POTEG: variants seen among roughly 807,000 people sequenced by gnomAD.
POTEG encodes POTE ankyrin domain family member G.
Under a neutral mutation model 49.6 loss-of-function variants are expected in POTEG, and 2 were observed. That is an observed-to-expected ratio of 0.04 (90% CI 0.02 to 0.13). The LOEUF (loss-of-function observed/expected upper bound fraction) is 0.13, where lower values mean the gene tolerates loss of function less well. Ranked by LOEUF, POTEG falls within the 10% of genes least tolerant of loss-of-function variation. The probability of loss-of-function intolerance (pLI) is 1.00; values close to 1 mark genes in which losing one functional copy is unlikely to be tolerated. For synonymous variants in POTEG, 7 were observed against 186.6 expected, an observed-to-expected ratio of 0.04 and a Z score of 7.84; for missense variants, 26 against 545.2, an observed-to-expected ratio of 0.05 and a Z score of 9.48.
At chr14:19,415,216 T>C (rs1299620946) in intron 7 of POTEG, among the ~76,000 whole-genome samples, 1 of 143,148 alleles carries the variant, frequency 7.0e-6, no homozygotes, top group Admixed American at 7.0e-5. Context: ...AGTTCTAATA[T>C]ATTCTAATAT....
intron 2 of POTEG, 39 bp downstream of exon 2, chr14:19,428,836 C>G: frequency 1.3e-6 from 1 of 791,460 alleles, no homozygotes; most frequent in Non-Finnish European, 1.8e-6. Context: ...GTATTGAAAT[C>G]AAACCCACTT....
At position 19,414,858 on chromosome 14, in the gene POTEG, G is replaced by T. The variant is rs1274868837; in HGVS notation, c.1198-252C>A. Among the ~76,000 whole-genome samples, 17 of 134,274 alleles carry T rather than the reference G, an allele frequency of 1.3e-4. No individual in the cohort carries two copies. The East Asian group carries it at 3.2e-3, about 25-fold the overall frequency. 88.1% of individuals were successfully genotyped at this position (134,274 alleles called of 152,430 possible). On this transcript the variant is annotated intron_variant, in intron 7 of 10. Coordinates refer to ENST00000547848, the MANE Select transcript of POTEG (RefSeq NM_001005356.3). ...GAAAAATAATTCACCTTAGCCAAAG[G>T]GAGAAGAAAAACATGAACCAGCAAA...
At chr14:19,414,837 A>C (rs1488727435) in intron 7 of POTEG, among the ~76,000 whole-genome samples, 34 of 137,336 alleles carry the variant, frequency 2.5e-4, no homozygotes, top group Non-Finnish European at 5.0e-4. Flanking sequence ...ACATGTGAAA[A>C]ATAATTCACC....
At chr14:19,432,401 T>TACACAC (rs1400739856) in intron 1 of POTEG, among the ~76,000 whole-genome samples, 16 of 69,366 alleles carry the variant, frequency 2.3e-4, no homozygotes, top group Non-Finnish European at 4.3e-4. Context: ...TATATATATA[T>TACACAC]ATACACACAC....
intron 1 of POTEG, among the ~76,000 whole-genome samples, chr14:19,432,335 G>C (rs1479105065): frequency 1.5e-3 from 109 of 70,674 alleles, no homozygotes; most frequent in African/African-American, 5.7e-3. Flanking sequence ...GCAACAGAGT[G>C]AGACTCCATC....
chr14:19,416,028 T>G (rs1403342368), intron 7 of POTEG, among the ~76,000 whole-genome samples: 1 of 147,306 alleles, frequency 6.8e-6, no homozygotes, highest in African/African-American at 2.5e-5. Context: ...GTATTTTTAG[T>G]AGAGACGGGG....
In POTEG at chr14:19,414,836, A is replaced by T. The variant is rs571050338; in HGVS notation, c.1198-230T>A. ...ACATCACTGGCTTCTAACATGTGAA[A>T]AATAATTCACCTTAGCCAAAGGGAG... On this transcript the variant is annotated intron_variant, in intron 7 of 10. Coordinates refer to ENST00000547848, the MANE Select transcript of POTEG (RefSeq NM_001005356.3). Among the ~76,000 whole-genome samples the T allele has an allele frequency of 4.4e-5, 6 of 137,698 alleles. 1 individual carries two copies. In the South Asian group the frequency reaches 1.2e-3, roughly 27 times the overall value. 90.3% of individuals were successfully genotyped at this position (137,698 alleles called of 152,430 possible). A position where few individuals can be genotyped will look rare whatever the true frequency, so the allele number is the denominator to read the frequency against.
At position 19,428,893 on chromosome 14, in the gene POTEG, C is replaced by A; in HGVS notation, c.618G>T (p.Lys206Asn). 1.3e-6 allele frequency: 1 copy of A among 774,208 alleles called. No homozygotes were observed. Among genetic ancestry groups the A allele is most frequent in the Non-Finnish European group, 1.8e-6 (1 of 553,526 alleles). 48.0% of individuals were successfully genotyped at this position (774,208 alleles called of 1,614,324 possible). The change falls in exon 2 of 11, where the codon AAG (lysine) becomes AAT (asparagine). Residue 206 changes from lysine (K) to asparagine (N), a missense_variant. Physicochemically the swap from Lys to Asn is moderately conservative, Grantham distance 94. Transcript: ENST00000547848. The stretch of plus-strand genomic sequence containing the variant: ...TGCATACCTTTGTCAGAGCTGTCCT[C>A]TTTTTGTTGTCAAGGATATTAAGTT... ...RCQLNILDNK[K>N]RTALTKAVQC...
chr14:19,419,996 C>A (rs1440969627), intron 6 of POTEG, among the ~76,000 whole-genome samples: 2 of 141,908 alleles, frequency 1.4e-5, no homozygotes, highest in Non-Finnish European at 3.0e-5. Context: ...TTCCCAACCT[C>A]TCGTATCTCA....
At chr14:19,414,525 TC>T (rs1420413585) in intron 8 of POTEG, 36 bp downstream of exon 8, 1 of 1,592,884 alleles carries the variant, frequency 6.3e-7, no homozygotes, top group African/African-American at 1.4e-5. Context: ...AATGTAAAAA[TC>T]TAATTCAACA....
intron 1 of POTEG, among the ~76,000 whole-genome samples, chr14:19,432,526 G>A (rs1215692015): frequency 6.1e-5 from 6 of 97,750 alleles, no homozygotes; most frequent in African/African-American, 4.2e-5. Flanking sequence ...GTTTTCTTCT[G>A]GTATGTTTCT....
At chr14:19,428,819 A>G in intron 2 of POTEG, 56 bp downstream of exon 2, 1 of 885,056 alleles carries the variant, frequency 1.1e-6, no homozygotes, top group Non-Finnish European at 1.6e-6. Flanking sequence ...ACTCATTTTT[A>G]TGCTATGTAT....
At chr14:19,415,113 C>A (rs1338962359) in intron 7 of POTEG, among the ~76,000 whole-genome samples, 6 of 145,312 alleles carry the variant, frequency 4.1e-5, no homozygotes, top group African/African-American at 1.5e-4. Flanking sequence ...GAAATCAACA[C>A]CAAACAGAAA....
rs1220890663 is a variant in POTEG at position 19,432,432 on chromosome 14, GTATATATATATATACA to G, written c.521+1321_521+1336del. Among the ~76,000 whole-genome samples the G allele has an allele frequency of 8.8e-3, 558 of 63,566 alleles. 5 individuals carry two copies. Among genetic ancestry groups the G allele is most frequent in the African/African-American group, 0.037 (506 of 13,570 alleles). The allele number at this position is 63,566 out of a possible 152,430, so 41.7% of individuals were successfully genotyped here. A position where few individuals can be genotyped will look rare whatever the true frequency, so the allele number is the denominator to read the frequency against. On this transcript the variant is annotated intron_variant, in intron 1 of 10. Transcript: ENST00000547848. ...CACACATGTATATATATGTATATAC[GTATATATATATATACA>G]TATATATATACATATATACATATAT...
intron 6 of POTEG, 102 bp downstream of exon 6, chr14:19,421,512 CATCCCCACCT>C: frequency 7.7e-7 from 1 of 1,303,778 alleles, no homozygotes; most frequent in East Asian, 2.4e-5. Context: ...ATTCTGAAAC[CATCCCCACCT>C]TTCCCCAGCC....
intron 7 of POTEG, among the ~76,000 whole-genome samples, chr14:19,415,495 T>C (rs1460942163): frequency 3.4e-5 from 5 of 147,824 alleles, no homozygotes; most frequent in East Asian, 1.9e-4. Context: ...TCTTTAACCA[T>C]GAATCCAGCT....
intron 1 of POTEG, among the ~76,000 whole-genome samples, chr14:19,432,403 T>TATATATATACATACAC (rs1330765784): frequency 2.2e-5 from 1 of 44,730 alleles, no homozygotes. Flanking sequence ...TATATATATA[T>TATATATATACATACAC]ACACACACAT....
chr14:19,415,430 G>C (rs1481684749), intron 7 of POTEG, among the ~76,000 whole-genome samples: 6 of 145,546 alleles, frequency 4.1e-5, no homozygotes, highest in Admixed American at 6.8e-5. Context: ...CACAACCTTA[G>C]TATCAGTGAC....
chr14:19,428,282 G>GT (rs1327847130), intron 3 of POTEG, among the ~76,000 whole-genome samples: 2 of 4,124 alleles, frequency 4.8e-4, no homozygotes, highest in Non-Finnish European at 8.4e-4. Context: ...CTGAAAAATA[G>GT]TAAGTATTAC....
Sources: gnomAD v4.1 joint callset for allele counts (sites outside exome capture counted in the v4.1 genomes callset) on GRCh38, gnomAD v4.1.1 for gene constraint, MANE v1.5 for transcripts, NCBI Gene and HGNC (gene_info 2026-07-23, HGNC 2026-07-21) for gene names.